Variants in RAB11FIP3 observed in about 807,000 individuals in gnomAD.
RAB11FIP3 encodes the protein RAB11 family interacting protein 3, also known as rab11 family-interacting protein 3.
A neutral mutation model predicts 77.8 loss-of-function variants in RAB11FIP3; 17 were observed. The observed-to-expected ratio is 0.22, with a 90% CI of 0.15 to 0.33. The LOEUF (loss-of-function observed/expected upper bound fraction) is 0.33, where lower values mean the gene tolerates loss of function less well. RAB11FIP3 is among the 10% of genes least tolerant of loss of function. RAB11FIP3 has a pLI of 1.00. For missense variants in RAB11FIP3, 1,005 were observed against 1,011.2 expected (o/e 0.99, Z 0.08); for synonymous variants, 437 against 448.2 (o/e 0.98, Z 0.31).
In RAB11FIP3 at chr16:521,607, G is replaced by A. The variant is rs1237980114; in HGVS notation, c.*768G>A. On this transcript the variant is annotated 3_prime_UTR_variant, in exon 14 of 14. Coordinates refer to ENST00000262305, the MANE Select transcript of RAB11FIP3 (RefSeq NM_014700.4). The stretch of plus-strand genomic sequence containing the variant: ...TATGGGGGCCGGGCAGGAGCCTCTG[G>A]GGCCTCCACTCCGACATCAGGACCT... 2.0e-5 allele frequency: 3 copies of A among 152,488 alleles called. No homozygotes were observed. The highest frequency in any genetic ancestry group is 4.8e-5 in the African/African-American group (2 of 41,462). 9.4% of individuals were successfully genotyped at this position (152,488 alleles called of 1,614,324 possible). A position where few individuals can be genotyped will look rare whatever the true frequency, so the allele number is the denominator to read the frequency against.
intron 3 of RAB11FIP3, among the ~76,000 whole-genome samples, chr16:480,286 C>CAAAAAAAAAAAAA (rs56228402): frequency 5.0e-5 from 4 of 80,024 alleles, no homozygotes; most frequent in African/African-American, 1.9e-4. Context: ...ACTCCTTCTC[C>CAAAAAAAAAAAAA]AAAAAAAAAA....
intron 2 of RAB11FIP3, among the ~76,000 whole-genome samples, chr16:469,492 T>G (rs935701666): frequency 6.6e-6 from 1 of 152,136 alleles, no homozygotes; most frequent in South Asian, 2.1e-4. Flanking sequence ...CCTCCCAGGC[T>G]CAAGTGATTC....
At chr16:497,136 C>T in intron 6 of RAB11FIP3, 1 of 645,512 alleles carries the variant, frequency 1.5e-6, no homozygotes, top group East Asian at 5.5e-5. Context: ...AAGGGGCCGC[C>T]ATCCCCAGAT....
At chr16:500,743 G>C (rs1046131423) in intron 6 of RAB11FIP3, among the ~76,000 whole-genome samples, 2 of 140,440 alleles carry the variant, frequency 1.4e-5, no homozygotes. Flanking sequence ...ATAAGCAGCC[G>C]CATGACCCAT....
rs1006299336 is a variant in RAB11FIP3, at chr16:479,474, T to C, written c.904-3051T>C. Among the ~76,000 whole-genome samples the C allele has an allele frequency of 2.6e-5, 4 of 152,186 alleles. No individual in the cohort carries two copies. In the East Asian group the frequency reaches 7.7e-4, roughly 29 times the overall value. On this transcript the variant is annotated intron_variant, in intron 3 of 13. Coordinates refer to ENST00000262305, the MANE Select transcript of RAB11FIP3 (RefSeq NM_014700.4). ...TAATCTGAGCAGTGTGGAGGATCAC[T>C]TGAGGTGCGGAGTGGATGACCAGCC...
In RAB11FIP3 at chr16:471,857, T is replaced by C. The variant is rs548587115; in HGVS notation, c.903+468T>C. 6.6e-6 allele frequency among the ~76,000 whole-genome samples: 1 copy of C among 152,246 alleles called. No individual in the cohort carries two copies. The highest frequency in any genetic ancestry group is 1.5e-5 in the Non-Finnish European group (1 of 67,998). Reference sequence around the variant, plus strand: ...TGTGTCTCCTGTCACTGTGGGTCCCTTGTTCTCAACATAGCTGGGGAGAGG... The same window carrying C: ...TGTGTCTCCTGTCACTGTGGGTCCCCTGTTCTCAACATAGCTGGGGAGAGG... On this transcript the variant is annotated intron_variant, in intron 3 of 13. Transcript: ENST00000262305. The surrounding 1 kb of genome is among the most constrained non-coding windows in gnomAD (Gnocchi z 4.4).
At position 425,940 on chromosome 16, in the gene RAB11FIP3, C is replaced by T; in HGVS notation, c.-67C>T. The T allele has an allele frequency of 7.2e-6, 5 of 694,528 alleles. No individual in the cohort carries two copies. In the South Asian group the frequency reaches 2.4e-4, roughly 34 times the overall value. The allele number at this position is 694,528 out of a possible 1,614,324, so 43.0% of individuals were successfully genotyped here. A position where few individuals can be genotyped will look rare whatever the true frequency, so the allele number is the denominator to read the frequency against. On this transcript the variant is annotated 5_prime_UTR_variant, in exon 1 of 14. Coordinates refer to ENST00000262305, the MANE Select transcript of RAB11FIP3 (RefSeq NM_014700.4). ...GCGCCGCCGAGGGGATGCCCGCGCC[C>T]GCCGCCGCGCCCTGAGCGCCTTTGT...
chr16:482,208 C>A (rs2056055769), intron 3 of RAB11FIP3, among the ~76,000 whole-genome samples: 1 of 152,188 alleles, frequency 6.6e-6, no homozygotes, highest in Non-Finnish European at 1.5e-5. Flanking sequence ...AGGCAGGTGC[C>A]ACCACATCTA....
intron 6 of RAB11FIP3, among the ~76,000 whole-genome samples, chr16:498,526 T>C (rs1483598345): frequency 6.6e-6 from 1 of 152,158 alleles, no homozygotes; most frequent in African/African-American, 2.4e-5. Context: ...TTGGCTTTCT[T>C]TTCTTTTTGA....
intron 1 of RAB11FIP3, among the ~76,000 whole-genome samples, chr16:433,584 C>A (rs1384334111): frequency 6.6e-6 from 1 of 151,734 alleles, no homozygotes; most frequent in Non-Finnish European, 1.5e-5. Flanking sequence ...TGCGGTGGCT[C>A]ACGCCTGTAA....
At chr16:431,739 C>A (rs2055040596) in intron 1 of RAB11FIP3, among the ~76,000 whole-genome samples, 3 of 151,422 alleles carry the variant, frequency 2.0e-5, no homozygotes, top group Admixed American at 2.0e-4. Context: ...CAATTGAGAT[C>A]ATATTGGGGT....
intron 1 of RAB11FIP3, among the ~76,000 whole-genome samples, chr16:452,105 C>T (rs566730709): frequency 8.5e-5 from 13 of 152,160 alleles, no homozygotes; most frequent in East Asian, 1.9e-4. Flanking sequence ...GAGTTGAGAT[C>T]GCGCCACTGT....
chr16:499,362 C>T (rs756298396), intron 6 of RAB11FIP3, among the ~76,000 whole-genome samples: 3 of 152,188 alleles, frequency 2.0e-5, no homozygotes, highest in Admixed American at 6.5e-5. Context: ...CATGAAAGAC[C>T]GGTCAAGGCC....
intron 9 of RAB11FIP3, among the ~76,000 whole-genome samples, chr16:511,104 C>T (rs2032132493): frequency 8.7e-6 from 1 of 115,488 alleles, no homozygotes; most frequent in African/African-American, 3.6e-5. Flanking sequence ...GGAGAAGTTC[C>T]CCGACGGCCC....
chr16:480,729 A>T (rs2056023146), intron 3 of RAB11FIP3, among the ~76,000 whole-genome samples: 1 of 151,772 alleles, frequency 6.6e-6, no homozygotes, highest in Non-Finnish European at 1.5e-5. Flanking sequence ...CGAACTCCTG[A>T]CCTTGTGATC....
At chr16:488,678 G>A (rs1284962149) in intron 4 of RAB11FIP3, among the ~76,000 whole-genome samples, 173 bp from the exon 5 acceptor site, 1 of 151,160 alleles carries the variant, frequency 6.6e-6, no homozygotes, top group Non-Finnish European at 1.5e-5. Flanking sequence ...CAAAGTGCTG[G>A]GATTACATGT....
chr16:516,605 G>A (rs533199760), intron 9 of RAB11FIP3, among the ~76,000 whole-genome samples: 9 of 152,324 alleles, frequency 5.9e-5, no homozygotes, highest in East Asian at 1.9e-4. Flanking sequence ...GGCCGGGCGC[G>A]GTGGCTCACG....
chr16:447,034 ATGGC>A (rs1289709140), intron 1 of RAB11FIP3, among the ~76,000 whole-genome samples: 1 of 151,010 alleles, frequency 6.6e-6, no homozygotes, highest in African/African-American at 2.4e-5. Flanking sequence ...GCTGGGTGTG[ATGGC>A]TCACAGCTAT....
intron 13 of RAB11FIP3, 40 bp downstream of exon 13, chr16:520,639 A>C: frequency 6.2e-7 from 1 of 1,610,664 alleles, no homozygotes; most frequent in Non-Finnish European, 8.5e-7. Flanking sequence ...CCTGGGGTCC[A>C]CAGTCTGCAC....
Sources: allele counts gnomAD v4.1 joint callset (sites outside exome capture counted in the v4.1 genomes callset), GRCh38; gene constraint gnomAD v4.1.1; non-coding constraint Gnocchi (gnomAD v3.1); transcripts MANE v1.5; gene names NCBI Gene and HGNC (gene_info 2026-07-23, HGNC 2026-07-21).